The following TRPC5 variants were observed in gnomAD, a reference collection of about 807,000 sequenced individuals.
TRPC5 encodes transient receptor potential cation channel subfamily C member 5.
In TRPC5, 9 loss-of-function variants were observed where a neutral mutation model predicts 56.5. That is an observed-to-expected ratio of 0.16 (90% CI 0.10 to 0.28). The LOEUF (loss-of-function observed/expected upper bound fraction) is 0.28, where lower values mean the gene tolerates loss of function less well. TRPC5 is among the 10% of genes least tolerant of loss of function. The pLI is 1.00. For missense variants in TRPC5, 469 were observed against 748.9 expected (o/e 0.63, Z 4.36); for synonymous variants, 282 against 278.5 (o/e 1.01, Z -0.13).
chrX:111,888,991 A>G (rs942615696), intron 3 of TRPC5, among the ~76,000 whole-genome samples: 8 of 111,986 alleles, frequency 7.1e-5, no homozygotes, highest in African/African-American at 2.6e-4. Context: ...AGAGAGTACC[A>G]AGGATTTAGT....
chrX:111,927,029 A>G (rs999127447), intron 2 of TRPC5, among the ~76,000 whole-genome samples: 1 of 112,287 alleles, frequency 8.9e-6, no homozygotes, highest in Non-Finnish European at 1.9e-5. Flanking sequence ...AGGTCTAGAA[A>G]CATGAATGGG....
At chrX:111,960,331 T>C (rs961468306) in intron 1 of TRPC5, among the ~76,000 whole-genome samples, 10 of 112,525 alleles carry the variant, frequency 8.9e-5, no homozygotes, top group African/African-American at 3.2e-4. Flanking sequence ...TTTATTTTTG[T>C]AAGCTTTTTC....
At chrX:111,973,410 T>C (rs1449384061) in intron 1 of TRPC5, among the ~76,000 whole-genome samples, 1 of 112,331 alleles carries the variant, frequency 8.9e-6, no homozygotes, top group Middle Eastern at 4.6e-3. Context: ...AGATCTTTAG[T>C]AATGAATTTT....
chrX:111,802,660 T>C (rs890495522), intron 7 of TRPC5, among the ~76,000 whole-genome samples: 3 of 111,051 alleles, frequency 2.7e-5, no homozygotes, highest in African/African-American at 3.3e-5. Flanking sequence ...ACAAGAGTGA[T>C]GATAATCTTC....
Position 111,832,499 on chromosome X carries a change from C to T in TRPC5, c.1896+2422G>A, listed in dbSNP as rs1029856291. ...TCAAGGACCTTGTAAAAATTACATTCAGTACTGAAGCAGAGATGTTGCAAA... is the reference window on the plus strand; with the variant it reads ...TCAAGGACCTTGTAAAAATTACATTTAGTACTGAAGCAGAGATGTTGCAAA... On this transcript the variant is annotated intron_variant, in intron 7 of 10. Coordinates refer to ENST00000262839, the MANE Select transcript of TRPC5 (RefSeq NM_012471.3). Among the ~76,000 whole-genome samples the T allele has an allele frequency of 4.5e-5, 5 of 111,996 alleles. No homozygotes were observed. The Admixed American group carries it at 4.7e-4, about 11-fold the overall frequency.
chrX:111,874,466 A>T (rs1923858026), intron 3 of TRPC5, among the ~76,000 whole-genome samples: 1 of 111,782 alleles, frequency 8.9e-6, no homozygotes, highest in African/African-American at 3.3e-5. Context: ...AGAGAGTTGT[A>T]ATTATTCTAA....
chrX:111,966,254 A>G (rs1336153757), intron 1 of TRPC5, among the ~76,000 whole-genome samples: 2 of 111,978 alleles, frequency 1.8e-5, no homozygotes, highest in Non-Finnish European at 3.8e-5. Context: ...TCCTCAACAC[A>G]TACACCCTCC....
chrX:112,027,840 A>C (rs1929462601), intron 1 of TRPC5, among the ~76,000 whole-genome samples: 2 of 112,220 alleles, frequency 1.8e-5, no homozygotes, highest in South Asian at 7.5e-4. Flanking sequence ...ATCATGTCTC[A>C]GAATATAGGT....
intron 1 of TRPC5, among the ~76,000 whole-genome samples, chrX:112,080,912 C>CACATT (rs759531756): frequency 3.6e-5 from 4 of 112,202 alleles, no homozygotes; most frequent in Non-Finnish European, 7.5e-5. Context: ...GTAATCATTT[C>CACATT]ACATTTGAAG....
chrX:111,855,755 T>G (rs181930653), intron 3 of TRPC5, among the ~76,000 whole-genome samples: 4 of 112,255 alleles, frequency 3.6e-5, no homozygotes, highest in African/African-American at 1.3e-4. Flanking sequence ...CAGTAGCCTA[T>G]GCCAAAGGCT....
rs1006912132 is a variant in TRPC5, at chrX:111,776,115, A to G, written c.*198T>C. 10 of 397,316 alleles carry G rather than the reference A, an allele frequency of 2.5e-5. No homozygotes were observed. In the South Asian group the frequency reaches 6.2e-4, roughly 25 times the overall value. 32.7% of individuals were successfully genotyped at this position (397,316 alleles called of 1,213,427 possible). On this transcript the variant is annotated 3_prime_UTR_variant, in exon 11 of 11. Coordinates refer to ENST00000262839, the MANE Select transcript of TRPC5 (RefSeq NM_012471.3). ...TGGACTTAGTGTGTATAGGTATTAA[A>G]AAGGCAAATAATAATGAAAGTAATA...
intron 1 of TRPC5, among the ~76,000 whole-genome samples, chrX:111,963,184 C>T (rs1354623504): frequency 1.8e-5 from 2 of 112,521 alleles, no homozygotes; most frequent in African/African-American, 6.5e-5. Flanking sequence ...ATATCCCGCA[C>T]ATGGCTCAGA....
intron 1 of TRPC5, among the ~76,000 whole-genome samples, chrX:112,004,114 T>C (rs182296756): frequency 8.9e-6 from 1 of 112,269 alleles, no homozygotes; most frequent in African/African-American, 3.2e-5. Context: ...GCTTAGTGAT[T>C]TTGCAGTGCT....
intron 6 of TRPC5, 52 bp downstream of exon 6, chrX:111,847,062 A>G: frequency 8.8e-7 from 1 of 1,134,709 alleles, no homozygotes; most frequent in Non-Finnish European, 1.2e-6. Context: ...GAGAAGGCGG[A>G]AAAAATGGCA....
chrX:112,037,815 G>A (rs1337829372), intron 1 of TRPC5, among the ~76,000 whole-genome samples: 1 of 111,837 alleles, frequency 8.9e-6, no homozygotes, highest in African/African-American at 3.3e-5. Context: ...GTCCAGATGA[G>A]AAATCACACA....
intron 6 of TRPC5, among the ~76,000 whole-genome samples, chrX:111,836,870 G>A (rs1445281882): frequency 2.7e-5 from 3 of 112,176 alleles, no homozygotes; most frequent in South Asian, 3.7e-4. Context: ...GCAGTCAGTA[G>A]GCTGCACAAA....
chrX:111,838,661 T>C (rs932279198), intron 6 of TRPC5, among the ~76,000 whole-genome samples: 1 of 111,946 alleles, frequency 8.9e-6, no homozygotes, highest in African/African-American at 3.2e-5. Flanking sequence ...AGAAGAGGCA[T>C]AGACTGAAGA....
At chrX:112,075,503 C>T (rs913774125) in intron 1 of TRPC5, among the ~76,000 whole-genome samples, 3 of 112,236 alleles carry the variant, frequency 2.7e-5, no homozygotes, top group Non-Finnish European at 3.8e-5. Context: ...AATATGTCAA[C>T]ACCCTTATCC....
chrX:111,789,612 A>AT (rs1321863749), intron 7 of TRPC5, among the ~76,000 whole-genome samples: 1 of 112,361 alleles, frequency 8.9e-6, no homozygotes, highest in Non-Finnish European at 1.9e-5. Context: ...GGAAACTACC[A>AT]TCAGAGAGAA....
Sources: gnomAD v4.1 joint callset for allele counts (sites outside exome capture counted in the v4.1 genomes callset) on GRCh38, gnomAD v4.1.1 for gene constraint, MANE v1.5 for transcripts, NCBI Gene and HGNC (gene_info 2026-07-23, HGNC 2026-07-21) for gene names.